DLGAP2: variants seen among roughly 807,000 people sequenced by gnomAD.
The protein encoded by DLGAP2 is disks large-associated protein 2.
DLGAP2 carries 26 observed loss-of-function variants against 100.3 expected under a neutral mutation model. That is an observed-to-expected ratio of 0.26 (90% CI 0.19 to 0.36). The LOEUF is 0.36. Ranked by LOEUF, DLGAP2 falls within the 10% of genes least tolerant of loss-of-function variation. DLGAP2 has a pLI of 1.00. For missense variants in DLGAP2, 1,858 were observed against 1,453.2 expected (o/e 1.28, Z -4.53); for synonymous variants, 886 against 630.1 (o/e 1.41, Z -6.08).
chr8:817,481 T>C (rs908676485), intron 1 of DLGAP2, among the ~76,000 whole-genome samples: 1 of 152,250 alleles, frequency 6.6e-6, no homozygotes. Context: ...AGATTTCTTC[T>C]TGGTTTGGAT....
intron 3 of DLGAP2, among the ~76,000 whole-genome samples, chr8:1,374,532 C>T (rs1802342901): frequency 6.6e-6 from 1 of 152,122 alleles, no homozygotes; most frequent in Non-Finnish European, 1.5e-5. Context: ...TAACAAAGGG[C>T]ATTCAGGTGG....
chr8:1,203,664 G>T (rs1253667682), intron 2 of DLGAP2, among the ~76,000 whole-genome samples: 3 of 152,216 alleles, frequency 2.0e-5, no homozygotes, highest in Admixed American at 2.0e-4. Flanking sequence ...GGATGACGGT[G>T]CGAAGAACTG....
chr8:1,435,505 G>C (rs987592724), intron 3 of DLGAP2, among the ~76,000 whole-genome samples: 4 of 152,170 alleles, frequency 2.6e-5, no homozygotes, highest in African/African-American at 9.6e-5. Context: ...AACCCCCTGT[G>C]CAGCCACCGT....
chr8:990,172 G>C (rs1266730966), intron 2 of DLGAP2, among the ~76,000 whole-genome samples: 3 of 152,002 alleles, frequency 2.0e-5, no homozygotes, highest in Non-Finnish European at 2.9e-5. Flanking sequence ...GTTTGTATTA[G>C]TGGTCCATTC....
intron 2 of DLGAP2, among the ~76,000 whole-genome samples, chr8:1,217,280 G>A (rs1798233424): frequency 1.3e-5 from 2 of 152,136 alleles, no homozygotes; most frequent in Non-Finnish European, 2.9e-5. Context: ...TTCCTGCAAA[G>A]GATATGATCT....
chr8:1,025,287 G>A (rs573727556), intron 2 of DLGAP2, among the ~76,000 whole-genome samples: 23 of 152,138 alleles, frequency 1.5e-4, no homozygotes, highest in Middle Eastern at 3.4e-3. Context: ...CTGGATCCCC[G>A]ATCCTGAATC....
At chr8:869,848 G>C (rs1482594416) in intron 1 of DLGAP2, among the ~76,000 whole-genome samples, 2 of 151,986 alleles carry the variant, frequency 1.3e-5, no homozygotes. Context: ...GACACGTTCT[G>C]AACAGCAGGA....
chr8:791,214 C>T (rs1167408859), intron 1 of DLGAP2, among the ~76,000 whole-genome samples: 2 of 152,012 alleles, frequency 1.3e-5, no homozygotes, highest in Admixed American at 6.6e-5. Context: ...CTAATCCTGC[C>T]ACAGATATTT....
At chr8:1,312,298 C>T (rs965104384) in intron 3 of DLGAP2, among the ~76,000 whole-genome samples, 9 of 152,118 alleles carry the variant, frequency 5.9e-5, no homozygotes, top group East Asian at 3.9e-4. Flanking sequence ...TTTTAGAGAC[C>T]GCACCGAAGG....
At chr8:1,492,256 C>T (rs1463577972) in intron 3 of DLGAP2, among the ~76,000 whole-genome samples, 1 of 152,098 alleles carries the variant, frequency 6.6e-6, no homozygotes, top group East Asian at 1.9e-4. Context: ...TGCACAGCTG[C>T]GAGTGAAATG....
intron 3 of DLGAP2, among the ~76,000 whole-genome samples, chr8:1,441,300 T>C (rs1797826318): frequency 6.6e-6 from 1 of 152,178 alleles, no homozygotes; most frequent in Non-Finnish European, 1.5e-5. Context: ...TTACGTTACT[T>C]ATGTCTGTGC....
chr8:1,382,162 T>G (rs982736122), intron 3 of DLGAP2, among the ~76,000 whole-genome samples: 1 of 152,220 alleles, frequency 6.6e-6, no homozygotes, highest in African/African-American at 2.4e-5. Flanking sequence ...ACACATTGTG[T>G]TTGTTACATG....
chr8:1,003,074 G>A (rs1449786591), intron 2 of DLGAP2: 10 of 152,398 alleles, frequency 6.6e-5, no homozygotes, highest in African/African-American at 2.2e-4. Flanking sequence ...CTGAGCCACT[G>A]TCTACCCCCT....
rs1401935574 is a variant in DLGAP2 at position 1,164,944 on chromosome 8, T to A, written c.74-93907T>A. On this transcript the variant is annotated intron_variant, in intron 2 of 14. Coordinates refer to ENST00000637795, the MANE Select transcript of DLGAP2 (RefSeq NM_001346810.2). ...GCAATCGTGGAAAATGATAAAGTTG[T>A]TGAGCTGTAGAAACCCAAATTATCT... Among the ~76,000 whole-genome samples, 7 of 152,052 alleles carry A rather than the reference T, an allele frequency of 4.6e-5. No homozygotes were observed. The South Asian group carries it at 6.2e-4, about 14-fold the overall frequency.
At chr8:1,072,091 G>A (rs1048834942) in intron 2 of DLGAP2, among the ~76,000 whole-genome samples, 106 of 152,336 alleles carry the variant, frequency 7.0e-4, no homozygotes, top group African/African-American at 2.2e-3. Context: ...CCATGAAGTC[G>A]TGCTTAGAGT....
intron 2 of DLGAP2, among the ~76,000 whole-genome samples, chr8:1,084,091 C>G (rs1054910832): frequency 6.6e-6 from 1 of 152,050 alleles, no homozygotes. Context: ...TTTGTATGTA[C>G]TCTTAACTCA....
intron 2 of DLGAP2, among the ~76,000 whole-genome samples, chr8:1,211,152 C>T (rs1798095394): frequency 6.6e-6 from 1 of 152,218 alleles, no homozygotes; most frequent in Non-Finnish European, 1.5e-5. Context: ...AACATGATCT[C>T]ATGTGAACAG....
At chr8:1,175,631 T>C (rs1209720208) in intron 2 of DLGAP2, among the ~76,000 whole-genome samples, 1 of 152,198 alleles carries the variant, frequency 6.6e-6, no homozygotes, top group Non-Finnish European at 1.5e-5. Context: ...TTGGAGGGTG[T>C]TGGAATAAAT....
chr8:1,651,797 C>T (rs567018928), intron 8 of DLGAP2, among the ~76,000 whole-genome samples: 1 of 152,302 alleles, frequency 6.6e-6, no homozygotes, highest in African/African-American at 2.4e-5. Context: ...ATGTGCTCAT[C>T]AGAAGTAAAT....
Sources: allele counts gnomAD v4.1 joint callset (sites outside exome capture counted in the v4.1 genomes callset), GRCh38; gene constraint gnomAD v4.1.1; transcripts MANE v1.5; gene names NCBI Gene and HGNC (gene_info 2026-07-23, HGNC 2026-07-21).